Variants in ADGB observed in about 807,000 individuals in gnomAD.
The protein encoded by ADGB is androglobin.
In ADGB, 172 loss-of-function variants were observed where a neutral mutation model predicts 210.5. The observed-to-expected ratio is 0.82, with a 90% CI of 0.72 to 0.93. The LOEUF is 0.93. ADGB is among the 40% of genes least tolerant of loss of function. ADGB has a pLI of 0.00. For missense variants in ADGB, 2,025 were observed against 1,964.8 expected, an observed-to-expected ratio of 1.03 and a Z score of -0.58; for synonymous variants, 658 against 662.7, an observed-to-expected ratio of 0.99 and a Z score of 0.11.
chr6:146,627,945 C>T (rs555769057), intron 1 of ADGB, among the ~76,000 whole-genome samples: 108 of 152,192 alleles, frequency 7.1e-4, no homozygotes, highest in Middle Eastern at 6.8e-3. Context: ...ACCAATGACC[C>T]GCATCATTTC....
At chr6:146,708,436 T>C (rs1776608141) in intron 13 of ADGB, among the ~76,000 whole-genome samples, 1 of 152,130 alleles carries the variant, frequency 6.6e-6, no homozygotes, top group Non-Finnish European at 1.5e-5. Flanking sequence ...CTTTTTTTGT[T>C]TGGGAAAGTT....
chr6:146,615,634 T>C (rs1009231213), intron 1 of ADGB, among the ~76,000 whole-genome samples: 5 of 152,218 alleles, frequency 3.3e-5, no homozygotes, highest in Non-Finnish European at 7.3e-5. Context: ...TTCTACTCTC[T>C]ACCTTCATCA....
intron 7 of ADGB, 124 bp from the exon 8 acceptor site, chr6:146,672,096 T>C: frequency 7.9e-7 from 1 of 1,271,238 alleles, no homozygotes; most frequent in Middle Eastern, 2.0e-4. Context: ...TAACTAAAAA[T>C]TTGAGTAACA....
At chr6:146,796,591 G>A (rs1778046543) in intron 33 of ADGB, among the ~76,000 whole-genome samples, 1 of 152,016 alleles carries the variant, frequency 6.6e-6, no homozygotes, top group Non-Finnish European at 1.5e-5. Flanking sequence ...TCTTTAAAAA[G>A]CAAACAAAAC....
intron 32 of ADGB, among the ~76,000 whole-genome samples, chr6:146,787,224 C>T (rs1230900032): frequency 6.6e-6 from 1 of 152,022 alleles, no homozygotes; most frequent in East Asian, 1.9e-4. Flanking sequence ...CTGTACAGCT[C>T]GATTAATTTT....
At chr6:146,712,534 T>C (rs1205704653) in intron 13 of ADGB, among the ~76,000 whole-genome samples, 1 of 152,086 alleles carries the variant, frequency 6.6e-6, no homozygotes, top group Non-Finnish European at 1.5e-5. Context: ...ACATGAATTG[T>C]GCTGCATACT....
At chr6:146,726,978 T>C (rs1435598755) in intron 19 of ADGB, among the ~76,000 whole-genome samples, 2 of 152,060 alleles carry the variant, frequency 1.3e-5, no homozygotes, top group Admixed American at 6.6e-5. Flanking sequence ...TTCTTCTTGG[T>C]CTCTTCTCCT....
chr6:146,610,861 G>A (rs565709034), intron 1 of ADGB, among the ~76,000 whole-genome samples: 19 of 152,274 alleles, frequency 1.2e-4, no homozygotes, highest in Non-Finnish European at 2.5e-4. Flanking sequence ...CCACATGCAC[G>A]TGCCCATGCT....
chr6:146,748,531 A>G (rs1254445900), intron 26 of ADGB, among the ~76,000 whole-genome samples: 2 of 152,110 alleles, frequency 1.3e-5, no homozygotes, highest in East Asian at 3.9e-4. Context: ...TAGAAGCATC[A>G]CGTCTATCTC....
At chr6:146,672,513 A>T (rs891319381) in intron 8 of ADGB, 46 bp downstream of exon 8, 1 of 1,473,558 alleles carries the variant, frequency 6.8e-7, no homozygotes, top group Admixed American at 2.6e-5. Flanking sequence ...GACATTGCAT[A>T]TAAATGCCTT....
intron 5 of ADGB, among the ~76,000 whole-genome samples, chr6:146,663,288 G>T (rs1056742115): frequency 2.0e-5 from 3 of 149,570 alleles, no homozygotes; most frequent in Non-Finnish European, 4.4e-5. Context: ...CTATAGACTG[G>T]TGACTTATAA....
chr6:146,711,889 A>C (rs1186318095), intron 13 of ADGB, among the ~76,000 whole-genome samples: 1 of 151,766 alleles, frequency 6.6e-6, no homozygotes, highest in Non-Finnish European at 1.5e-5. Flanking sequence ...AAAAAACAAC[A>C]ACAAAAACCC....
intron 25 of ADGB, among the ~76,000 whole-genome samples, chr6:146,744,032 A>G (rs1043930175): frequency 1.2e-4 from 18 of 152,162 alleles, no homozygotes; most frequent in African/African-American, 3.9e-4. Context: ...ATAATTCTTG[A>G]TCTTTGAACA....
chr6:146,807,352 G>A (rs571838292), intron 35 of ADGB: 240 of 1,523,386 alleles, frequency 1.6e-4, no homozygotes, highest in East Asian at 1.0e-3. Flanking sequence ...TTCTGGGAAC[G>A]TAAGCCTTTA....
chr6:146,707,054 A>AT (rs1776584423), intron 13 of ADGB, among the ~76,000 whole-genome samples: 1 of 151,618 alleles, frequency 6.6e-6, no homozygotes, highest in African/African-American at 2.4e-5. Flanking sequence ...TACTATGTCA[A>AT]TTTTCATTTG....
intron 35 of ADGB, among the ~76,000 whole-genome samples, chr6:146,809,830 T>G (rs377127852): frequency 5.3e-5 from 8 of 152,322 alleles, no homozygotes; most frequent in African/African-American, 1.9e-4. Context: ...AAGATTTAAA[T>G]GTAACATTGG....
chr6:146,764,871 C>T (rs1216671453), intron 28 of ADGB, among the ~76,000 whole-genome samples: 1 of 152,112 alleles, frequency 6.6e-6, no homozygotes, highest in African/African-American at 2.4e-5. Flanking sequence ...GTGATCTCGG[C>T]TCACTGCAAC....
intron 3 of ADGB, among the ~76,000 whole-genome samples, chr6:146,651,503 G>C (rs968189950): frequency 6.6e-6 from 1 of 152,210 alleles, no homozygotes; most frequent in Admixed American, 6.5e-5. Context: ...GGCTAATTGA[G>C]GGAGTTTAAG....
intron 8 of ADGB, among the ~76,000 whole-genome samples, chr6:146,672,775 G>T (rs991030945): frequency 6.7e-6 from 1 of 148,396 alleles, no homozygotes; most frequent in African/African-American, 2.5e-5. Context: ...TTGTTGCCCA[G>T]GCTGGAGTCC....
Sources: allele counts gnomAD v4.1 joint callset (sites outside exome capture counted in the v4.1 genomes callset), GRCh38; gene constraint gnomAD v4.1.1; transcripts MANE v1.5; gene names NCBI Gene and HGNC (gene_info 2026-07-23, HGNC 2026-07-21).